LRP1B: variants seen among roughly 807,000 people sequenced by gnomAD.
LRP1B encodes the protein low-density lipoprotein receptor-related protein 1B.
In LRP1B, 217 loss-of-function variants were observed where a neutral mutation model predicts 556.6. That is an observed-to-expected ratio of 0.39 (90% CI 0.35 to 0.44). The LOEUF (loss-of-function observed/expected upper bound fraction) is 0.44. LRP1B is among the 20% of genes least tolerant of loss of function. The pLI is 1.00. For missense variants in LRP1B, 5,053 were observed against 5,620.8 expected (o/e 0.90, Z 3.23); for synonymous variants, 2,047 against 1,865.8 (o/e 1.10, Z -2.50).
chr2:140,580,749 C>CT (rs1681728995), intron 43 of LRP1B, among the ~76,000 whole-genome samples: 1 of 152,068 alleles, frequency 6.6e-6, no homozygotes, highest in South Asian at 2.1e-4. Flanking sequence ...GGCTTTTTAT[C>CT]TTTTTTAAAC....
intron 2 of LRP1B, among the ~76,000 whole-genome samples, chr2:141,515,159 C>T (rs568288063): frequency 8.7e-4 from 132 of 151,962 alleles, no homozygotes; most frequent in African/African-American, 3.0e-3. Context: ...AAAATTAGCC[C>T]AATGTGGTGG....
At chr2:141,333,881 G>T (rs962048358) in intron 3 of LRP1B, among the ~76,000 whole-genome samples, 7 of 152,122 alleles carry the variant, frequency 4.6e-5, no homozygotes, top group African/African-American at 9.7e-5. Context: ...ATATGTGTAT[G>T]ATATGAGTGT....
intron 1 of LRP1B, among the ~76,000 whole-genome samples, chr2:142,020,231 A>G (rs2105174571): frequency 6.6e-6 from 1 of 152,288 alleles, no homozygotes; most frequent in Non-Finnish European, 1.5e-5. Context: ...AATGTGTCAG[A>G]AATTAGGTGA....
At chr2:140,915,712 T>A (rs1221933863) in intron 21 of LRP1B, among the ~76,000 whole-genome samples, 3 of 150,592 alleles carry the variant, frequency 2.0e-5, no homozygotes, top group Non-Finnish European at 4.4e-5. Flanking sequence ...AGGGCCCTCC[T>A]GGACAAAAAG....
chr2:141,064,523 T>C (rs1699428209), intron 7 of LRP1B, among the ~76,000 whole-genome samples: 1 of 151,982 alleles, frequency 6.6e-6, no homozygotes, highest in African/African-American at 2.4e-5. Context: ...CATGTAAATA[T>C]ATAACTGATC....
At chr2:141,406,535 GTATCTATCTATCATCTATCTATC>G in intron 3 of LRP1B, among the ~76,000 whole-genome samples, 1 of 145,438 alleles carries the variant, frequency 6.9e-6, no homozygotes, top group African/African-American at 2.5e-5. Flanking sequence ...CAGGTGTAGA[GTATCTATCTATCATCTATCTATC>G]TATCTATCTA....
intron 3 of LRP1B, among the ~76,000 whole-genome samples, chr2:141,261,242 C>A (rs1033602330): frequency 1.3e-5 from 2 of 152,122 alleles, no homozygotes; most frequent in African/African-American, 4.8e-5. Flanking sequence ...TCAGAATTTC[C>A]TTGTCTTAGT....
chr2:141,249,240 G>A (rs899698960), intron 4 of LRP1B, among the ~76,000 whole-genome samples: 11 of 152,114 alleles, frequency 7.2e-5, no homozygotes, highest in African/African-American at 2.7e-4. Flanking sequence ...AGGAAGAGGA[G>A]ATGAAAAAAA....
chr2:141,350,763 C>T (rs1688416222), intron 3 of LRP1B, among the ~76,000 whole-genome samples: 1 of 152,010 alleles, frequency 6.6e-6, no homozygotes, highest in African/African-American at 2.4e-5. Flanking sequence ...CCCTGTTTAA[C>T]AACTTTGCAC....
chr2:140,282,314 G>T (rs933846404), intron 84 of LRP1B, among the ~76,000 whole-genome samples: 4 of 151,758 alleles, frequency 2.6e-5, no homozygotes, highest in Admixed American at 2.6e-4. Context: ...TTTTGGTATA[G>T]TCAGAGGCAT....
At chr2:141,416,137 A>C (rs910809941) in intron 3 of LRP1B, among the ~76,000 whole-genome samples, 6 of 152,300 alleles carry the variant, frequency 3.9e-5, no homozygotes, top group Admixed American at 2.6e-4. Context: ...CAATATATGC[A>C]GTGAAAATGT....
At chr2:140,279,530 A>G (rs567105373) in intron 84 of LRP1B, among the ~76,000 whole-genome samples, 4 of 152,116 alleles carry the variant, frequency 2.6e-5, no homozygotes, top group African/African-American at 9.6e-5. Context: ...TATGTGCCAT[A>G]TTTTCATCAG....
At chr2:141,569,167 T>C (rs1191350370) in intron 2 of LRP1B, among the ~76,000 whole-genome samples, 1 of 150,974 alleles carries the variant, frequency 6.6e-6, no homozygotes, top group Non-Finnish European at 1.5e-5. Context: ...CTCACCTCAA[T>C]AGGAGATCAT....
At chr2:140,256,591 C>T (rs568272080) in intron 86 of LRP1B, among the ~76,000 whole-genome samples, 2 of 148,780 alleles carry the variant, frequency 1.3e-5, no homozygotes, top group Non-Finnish European at 3.0e-5. Context: ...GCCTCAGACT[C>T]CTGAGTAGCT....
intron 15 of LRP1B, among the ~76,000 whole-genome samples, chr2:141,001,488 G>A (rs985604411): frequency 2.6e-5 from 4 of 151,978 alleles, no homozygotes; most frequent in Non-Finnish European, 5.9e-5. Flanking sequence ...CCTCACAACA[G>A]GCGCCAGTGT....
chr2:141,092,255 G>T (rs1042200349), intron 7 of LRP1B, among the ~76,000 whole-genome samples: 1 of 152,106 alleles, frequency 6.6e-6, no homozygotes, highest in Non-Finnish European at 1.5e-5. Context: ...AGGTAATGAG[G>T]GTAGCCCATT....
intron 1 of LRP1B, among the ~76,000 whole-genome samples, chr2:141,985,255 T>A (rs1264209802): frequency 6.6e-6 from 1 of 152,018 alleles, no homozygotes; most frequent in African/African-American, 2.4e-5. Context: ...TTTAGAGGAG[T>A]AGCAAATCAG....
intron 13 of LRP1B, among the ~76,000 whole-genome samples, chr2:141,015,458 A>G (rs78687654): frequency 1.4e-3 from 220 of 152,174 alleles, no homozygotes; most frequent in African/African-American, 5.1e-3. Context: ...ATATCCTGAG[A>G]GCTGCTTTTA....
rs1686974220 is a variant in LRP1B, at chr2:141,582,130, A to T, written c.206-101597T>A. Among the ~76,000 whole-genome samples the T allele has an allele frequency of 3.9e-5, 6 of 152,306 alleles. No individual in the cohort carries two copies. The South Asian group carries it at 1.2e-3, about 32-fold the overall frequency. The stretch of plus-strand genomic sequence containing the variant: ...TCAGATTTCCTCATAAATTTATCTC[A>T]GGAGTTGTCATAATAGGTTTTTATT... On this transcript the variant is annotated intron_variant, in intron 2 of 90. Coordinates refer to ENST00000389484, the MANE Select transcript of LRP1B (RefSeq NM_018557.3).
Sources: gnomAD v4.1 joint callset for allele counts (sites outside exome capture counted in the v4.1 genomes callset) on GRCh38, gnomAD v4.1.1 for gene constraint, MANE v1.5 for transcripts, NCBI Gene and HGNC (gene_info 2026-07-23, HGNC 2026-07-21) for gene names.